Variants in COG5 observed in about 807,000 individuals in gnomAD.
COG5 encodes component of oligomeric golgi complex 5.
COG5 carries 86 observed loss-of-function variants against 110.4 expected under a neutral mutation model. The ratio of observed to expected loss-of-function variants is 0.78; its 90% CI spans 0.65 to 0.93. The LOEUF is 0.93. Ranked by LOEUF, COG5 falls within the 40% of genes least tolerant of loss-of-function variation. The pLI is 0.00. For synonymous variants in COG5, 360 were observed against 334.6 expected, an observed-to-expected ratio of 1.08 and a Z score of -0.83; for missense variants, 1,077 against 987.0, an observed-to-expected ratio of 1.09 and a Z score of -1.22.
intron 1 of COG5, among the ~76,000 whole-genome samples, chr7:107,561,009 CAA>C (rs1803728463): frequency 6.6e-6 from 1 of 151,768 alleles, no homozygotes; most frequent in African/African-American, 2.4e-5. Context: ...TGAAAGCAAT[CAA>C]AGAGACTAAA....
At chr7:107,312,247 A>T (rs1435464695) in intron 11 of COG5, among the ~76,000 whole-genome samples, 1 of 152,186 alleles carries the variant, frequency 6.6e-6, no homozygotes, top group Non-Finnish European at 1.5e-5. Flanking sequence ...CTTCAAATTA[A>T]TAAAGACTTT....
chr7:107,233,752 A>AT (rs1425640169), intron 18 of COG5, among the ~76,000 whole-genome samples: 1 of 152,192 alleles, frequency 6.6e-6, no homozygotes, highest in African/African-American at 2.4e-5. Flanking sequence ...ACTTTCAGTA[A>AT]TAAGGCAGTT....
chr7:107,360,036 G>A (rs191587111), intron 10 of COG5, among the ~76,000 whole-genome samples: 30 of 150,438 alleles, frequency 2.0e-4, no homozygotes, highest in Admixed American at 6.6e-5. Context: ...TGAGGGCTGC[G>A]CAGATGACAG....
intron 11 of COG5, among the ~76,000 whole-genome samples, chr7:107,309,064 A>G (rs1344476427): frequency 1.3e-5 from 2 of 150,230 alleles, no homozygotes; most frequent in African/African-American, 4.9e-5. Flanking sequence ...GGGGTTCAGT[A>G]CTACTGAATG....
chr7:107,528,908 C>A (rs1467887573), intron 5 of COG5, among the ~76,000 whole-genome samples: 1 of 151,136 alleles, frequency 6.6e-6, no homozygotes, highest in East Asian at 1.9e-4. Context: ...TATGCATACA[C>A]CATACTCAAA....
In COG5 at chr7:107,230,148, G is replaced by A. The variant is rs367870762; in HGVS notation, c.2168+467C>T. ...TTATAGGCATGAGCCACCGTGCTCA[G>A]CCATGAACTTGATTCTTTTAATACT... On this transcript the variant is annotated intron_variant, in intron 19 of 21. Coordinates refer to ENST00000297135, the MANE Select transcript of COG5 (RefSeq NM_006348.5). 1.3e-5 allele frequency among the ~76,000 whole-genome samples: 2 copies of A among 152,102 alleles called. 1 individual carries two copies. The highest frequency in any genetic ancestry group is 4.1e-4 in the South Asian group (2 of 4,824).
intron 8 of COG5, among the ~76,000 whole-genome samples, chr7:107,371,562 G>A (rs1257312650): frequency 6.6e-6 from 1 of 152,124 alleles, no homozygotes; most frequent in Non-Finnish European, 1.5e-5. Flanking sequence ...ATGGATCAGA[G>A]TGCCTTCAAC....
intron 6 of COG5, among the ~76,000 whole-genome samples, chr7:107,483,761 A>G (rs1797487010): frequency 6.6e-6 from 1 of 152,108 alleles, no homozygotes; most frequent in Non-Finnish European, 1.5e-5. Context: ...GTGACTGAAT[A>G]TGGCCACGTT....
chr7:107,508,721 C>T (rs556127794), intron 6 of COG5, among the ~76,000 whole-genome samples: 8 of 152,220 alleles, frequency 5.3e-5, no homozygotes, highest in South Asian at 2.1e-4. Context: ...TTGCGGTTCA[C>T]CAACATCCAC....
At chr7:107,493,619 TCAC>T (rs1381854647) in intron 6 of COG5, among the ~76,000 whole-genome samples, 1 of 152,158 alleles carries the variant, frequency 6.6e-6, no homozygotes, top group African/African-American at 2.4e-5. Flanking sequence ...CTAAATAATG[TCAC>T]CACAAGGCTA....
chr7:107,512,778 C>G (rs111762977), intron 6 of COG5, among the ~76,000 whole-genome samples: 25 of 150,878 alleles, frequency 1.7e-4, no homozygotes, highest in South Asian at 4.2e-4. Context: ...ACAAACCTGA[C>G]AAAAACAAGC....
chr7:107,316,011 A>C (rs1301368591), intron 11 of COG5, among the ~76,000 whole-genome samples: 1 of 152,192 alleles, frequency 6.6e-6, no homozygotes, highest in Admixed American at 6.5e-5. Context: ...ATTAAAAAGT[A>C]GGTCATTGCT....
At chr7:107,427,186 A>G (rs75591106) in intron 6 of COG5, among the ~76,000 whole-genome samples, 2,386 of 152,264 alleles carry the variant, frequency 0.016, 59 homozygotes, top group African/African-American at 0.055. Flanking sequence ...ACCACACTGG[A>G]GTCCAGCTGA....
chr7:107,476,722 T>C (rs571056419), intron 6 of COG5, among the ~76,000 whole-genome samples: 5 of 151,762 alleles, frequency 3.3e-5, no homozygotes, highest in Non-Finnish European at 7.4e-5. Flanking sequence ...GCATTGTAAT[T>C]GGTCAGCTGA....
intron 17 of COG5, among the ~76,000 whole-genome samples, chr7:107,244,087 A>C (rs1256154053): frequency 6.6e-6 from 1 of 151,990 alleles, no homozygotes; most frequent in Non-Finnish European, 1.5e-5. Context: ...TCTCTACTAA[A>C]AAAATTACAA....
chr7:107,520,079 C>G (rs145517477), intron 6 of COG5, among the ~76,000 whole-genome samples: 1 of 152,206 alleles, frequency 6.6e-6, no homozygotes, highest in Non-Finnish European at 1.5e-5. Context: ...GAAAAGGGCT[C>G]TGATAAAATT....
intron 6 of COG5, among the ~76,000 whole-genome samples, chr7:107,526,717 A>C (rs1050216154): frequency 3.3e-5 from 5 of 152,212 alleles, no homozygotes; most frequent in Non-Finnish European, 7.3e-5. Flanking sequence ...CAAAGTAACA[A>C]ACTATTAGTA....
rs1251162448 is a variant in COG5 at position 107,554,323 on chromosome 7, T to C, written c.254A>G (p.Asp85Gly). 1.2e-6 allele frequency: 2 copies of C among 1,614,006 alleles called. No individual in the cohort carries two copies. The highest frequency in any genetic ancestry group is 2.7e-5 in the African/African-American group (2 of 75,048). Residue 85 changes from aspartate (D) to glycine (G), a missense_variant, in exon 3 of 22, where the codon GAT (aspartate) becomes GGT (glycine). Transcript: ENST00000297135. ...LHLQVVARHE[D>G]LLAQATGIES... is the part of the protein sequence containing the mutation. ...AATCCCAGTTGCTTGTGCCAGTAAA[T>C]CTTCATGTCTTGCAACAACCTGAAA... is the stretch of plus-strand genomic sequence containing the variant.
chr7:107,295,620 C>T (rs1806675054), intron 12 of COG5, among the ~76,000 whole-genome samples: 1 of 152,090 alleles, frequency 6.6e-6, no homozygotes, highest in African/African-American at 2.4e-5. Flanking sequence ...TTGTTTGTGT[C>T]CTTGAACCCT....
Sources: gnomAD v4.1 joint callset for allele counts (sites outside exome capture counted in the v4.1 genomes callset) on GRCh38, gnomAD v4.1.1 for gene constraint, MANE v1.5 for transcripts, NCBI Gene and HGNC (gene_info 2026-07-23, HGNC 2026-07-21) for gene names.